The following GALNT1 variants were observed in gnomAD, a reference collection of about 807,000 sequenced individuals.
GALNT1 encodes the protein polypeptide N-acetylgalactosaminyltransferase 1.
GALNT1 carries 17 observed loss-of-function variants against 65.7 expected under a neutral mutation model. The observed-to-expected ratio is 0.26, with a 90% CI of 0.18 to 0.39. GALNT1 has a LOEUF of 0.39. Ranked by LOEUF, GALNT1 falls within the 10% of genes least tolerant of loss-of-function variation. The probability of loss-of-function intolerance (pLI) is 1.00; values close to 1 mark genes in which losing one functional copy is unlikely to be tolerated. For missense variants in GALNT1, 460 were observed against 672.8 expected (o/e 0.68, Z 3.50); for synonymous variants, 210 against 219.7 (o/e 0.96, Z 0.39).
At chr18:35,696,235 CT>C (rs2048055019) in intron 9 of GALNT1, among the ~76,000 whole-genome samples, 2 of 152,218 alleles carry the variant, frequency 1.3e-5, no homozygotes, top group Non-Finnish European at 2.9e-5. Context: ...GCCCAGGGAT[CT>C]TATGCTTCTG....
rs549342786 is a variant in GALNT1, at chr18:35,609,407, T to G, written c.-104+27545T>G. On this transcript the variant is annotated intron_variant, in intron 1 of 11. Coordinates refer to ENST00000269195, the MANE Select transcript of GALNT1 (RefSeq NM_020474.4). ...CCATCTCTTGGGATATGGAAATAGCTTGGCTTTTCAGACCTCATGTTTGAG... is the reference window on the plus strand; with the variant it reads ...CCATCTCTTGGGATATGGAAATAGCGTGGCTTTTCAGACCTCATGTTTGAG... 4.6e-5 allele frequency among the ~76,000 whole-genome samples: 7 copies of G among 152,336 alleles called. No homozygotes were observed. In the East Asian group the frequency reaches 1.3e-3, roughly 29 times the overall value.
At chr18:35,619,449 G>T (rs1598785469) in intron 1 of GALNT1, among the ~76,000 whole-genome samples, 1 of 152,080 alleles carries the variant, frequency 6.6e-6, no homozygotes, top group Non-Finnish European at 1.5e-5. Context: ...TGTCCTTTGA[G>T]ATTTTTTTTC....
intron 1 of GALNT1, among the ~76,000 whole-genome samples, chr18:35,638,956 G>A (rs1235653880): frequency 2.6e-5 from 4 of 152,208 alleles, no homozygotes; most frequent in Admixed American, 6.5e-5. Flanking sequence ...AACTTGAATG[G>A]ATGAGTAGTT....
intron 1 of GALNT1, among the ~76,000 whole-genome samples, chr18:35,621,988 T>G (rs1324664218): frequency 6.6e-6 from 1 of 152,204 alleles, no homozygotes. Context: ...TATCTTGATA[T>G]ATGGTAGACA....
chr18:35,593,411 G>A (rs1203065521), intron 1 of GALNT1, among the ~76,000 whole-genome samples: 1 of 152,208 alleles, frequency 6.6e-6, no homozygotes, highest in Non-Finnish European at 1.5e-5. Context: ...GTATTTGGGA[G>A]AGGAGAAAGG....
intron 2 of GALNT1, among the ~76,000 whole-genome samples, chr18:35,662,107 A>T (rs16966979): frequency 0.1 from 15,488 of 152,042 alleles, 1,008 homozygotes; most frequent in African/African-American, 0.19. Flanking sequence ...GTTTAACAGT[A>T]TTTGATTTTT....
intron 11 of GALNT1, among the ~76,000 whole-genome samples, chr18:35,707,016 AGATAG>A (rs1436090562): frequency 6.6e-6 from 1 of 152,198 alleles, no homozygotes; most frequent in Non-Finnish European, 1.5e-5. Context: ...CTGAGCAGCC[AGATAG>A]TATGACTAGA....
intron 1 of GALNT1, among the ~76,000 whole-genome samples, chr18:35,599,317 T>C (rs2046548373): frequency 6.6e-6 from 1 of 151,840 alleles, no homozygotes; most frequent in Non-Finnish European, 1.5e-5. Flanking sequence ...GAGGCATTTT[T>C]GCAGTGTTTT....
chr18:35,648,608 G>A (rs1001640252), intron 1 of GALNT1, among the ~76,000 whole-genome samples: 2 of 152,136 alleles, frequency 1.3e-5, no homozygotes, highest in African/African-American at 4.8e-5. Flanking sequence ...GACAAAATAA[G>A]CAACTTTTAG....
At chr18:35,698,082 G>C (rs1442240320) in intron 9 of GALNT1, among the ~76,000 whole-genome samples, 1 of 152,194 alleles carries the variant, frequency 6.6e-6, no homozygotes, top group Non-Finnish European at 1.5e-5. Flanking sequence ...TTTTCCCATC[G>C]TTGGCAAGTA....
rs545214810 is a variant in GALNT1, at chr18:35,642,978, G to A, written c.-103-11582G>A. Among the ~76,000 whole-genome samples, 24 of 152,022 alleles carry A rather than the reference G, an allele frequency of 1.6e-4. No individual in the cohort carries two copies. The South Asian group carries it at 3.7e-3, about 24-fold the overall frequency. Reference sequence around the variant, plus strand: ...CATGTCGGGGGCAGTGTGACTGAGCGCAGTCCTAGAGCACAGCCTTCCAGG... The same window carrying A: ...CATGTCGGGGGCAGTGTGACTGAGCACAGTCCTAGAGCACAGCCTTCCAGG... On this transcript the variant is annotated intron_variant, in intron 1 of 11. Coordinates refer to ENST00000269195, the MANE Select transcript of GALNT1 (RefSeq NM_020474.4).
chr18:35,651,283 T>C (rs1224318430), intron 1 of GALNT1, among the ~76,000 whole-genome samples: 4 of 152,202 alleles, frequency 2.6e-5, no homozygotes, highest in Non-Finnish European at 5.9e-5. Context: ...AAAAATATGA[T>C]TTATGACTCA....
At chr18:35,614,291 G>C (rs575227182) in intron 1 of GALNT1, among the ~76,000 whole-genome samples, 1 of 152,106 alleles carries the variant, frequency 6.6e-6, no homozygotes, top group South Asian at 2.1e-4. Flanking sequence ...GCTTGGTTCT[G>C]CATTAGAAGG....
chr18:35,607,350 G>A (rs2046663119), intron 1 of GALNT1, among the ~76,000 whole-genome samples: 1 of 152,100 alleles, frequency 6.6e-6, no homozygotes, highest in South Asian at 2.1e-4. Flanking sequence ...GGGGTCCTTG[G>A]TGGGGCCTTG....
intron 11 of GALNT1, among the ~76,000 whole-genome samples, chr18:35,708,943 C>T (rs2048310124): frequency 6.6e-6 from 1 of 152,194 alleles, no homozygotes; most frequent in Non-Finnish European, 1.5e-5. Flanking sequence ...TGAGAAACCT[C>T]AAGTTACCCA....
chr18:35,700,781 C>T (rs971662611), intron 9 of GALNT1, among the ~76,000 whole-genome samples: 4 of 151,968 alleles, frequency 2.6e-5, no homozygotes, highest in African/African-American at 9.7e-5. Flanking sequence ...CACCACGCCC[C>T]GCCAAGAATT....
At chr18:35,660,236 A>ATACT (rs58115300) in intron 2 of GALNT1, among the ~76,000 whole-genome samples, 3 of 151,822 alleles carry the variant, frequency 2.0e-5, no homozygotes, top group Non-Finnish European at 4.4e-5. Context: ...ATATAACTTT[A>ATACT]GTCTACTTTC....
intron 7 of GALNT1, 135 bp downstream of exon 7, chr18:35,689,425 C>T (rs2047920791): frequency 1.6e-6 from 1 of 606,856 alleles, no homozygotes; most frequent in Non-Finnish European, 2.9e-6. Flanking sequence ...GCCTTCAGTC[C>T]ATAAAAAGGA....
chr18:35,642,847 C>G (rs997521879), intron 1 of GALNT1, among the ~76,000 whole-genome samples: 2 of 152,134 alleles, frequency 1.3e-5, no homozygotes, highest in African/African-American at 4.8e-5. Context: ...CGTTGGGTCA[C>G]TGAAGCCAAG....
Sources: allele counts gnomAD v4.1 joint callset (sites outside exome capture counted in the v4.1 genomes callset), GRCh38; gene constraint gnomAD v4.1.1; transcripts MANE v1.5; gene names NCBI Gene and HGNC (gene_info 2026-07-23, HGNC 2026-07-21).